The following BRCA1 variants were observed in gnomAD, a reference collection of about 807,000 sequenced individuals.
BRCA1 encodes breast cancer type 1 susceptibility protein.
In BRCA1, 140 loss-of-function variants were observed where a neutral mutation model predicts 173.7. The ratio of observed to expected loss-of-function variants is 0.81; its 90% CI spans 0.70 to 0.93. BRCA1 has a LOEUF of 0.93. Ranked by LOEUF, BRCA1 falls within the 40% of genes least tolerant of loss-of-function variation. The pLI, the probability that BRCA1 is intolerant of heterozygous loss-of-function variation, is 0.00. For synonymous variants in BRCA1, 662 were observed against 756.0 expected, an observed-to-expected ratio of 0.88 and a Z score of 2.04; for missense variants, 1,983 against 2,172.5, an observed-to-expected ratio of 0.91 and a Z score of 1.73.
Position 43,092,448 on chromosome 17 carries a change from C to A in BRCA1, c.3083G>T (p.Arg1028Leu), listed in dbSNP as rs80357459. 2 of 1,613,888 alleles carry A rather than the reference C, an allele frequency of 1.2e-6. No homozygotes were observed. The highest frequency in any genetic ancestry group is 1.7e-5 in the Admixed American group (1 of 59,992). The change falls in exon 10 of 23, where the codon CGT becomes CTT. Residue 1028 changes from arginine to leucine, a missense_variant. By Grantham distance (102) the Arg-to-Leu change is moderately radical. Transcript: ENST00000357654. Reference sequence around the variant, plus strand: ...AAAAACATTTTCTCTAATGTTATTACGGCTAATTGTGCTCACTGTACTTGG... The same window carrying A: ...AAAAACATTTTCTCTAATGTTATTAAGGCTAATTGTGCTCACTGTACTTGG... ...NIPSTVSTIS[R>L]NNIRENVFKE...
chr17:43,110,543 G>C, intron 3 of BRCA1: 1 of 437,950 alleles, frequency 2.3e-6, no homozygotes, highest in Middle Eastern at 4.9e-4. Context: ...CCTCATGATC[G>C]CACCACTGTA....
intron 12 of BRCA1, 43 bp from the exon 13 acceptor site, chr17:43,076,657 T>G (rs2052749969): frequency 3.7e-6 from 6 of 1,604,446 alleles, no homozygotes; most frequent in Non-Finnish European, 4.3e-6. Flanking sequence ...ACTGCTTTGT[T>G]CTGATAGTGA....
intron 13 of BRCA1, among the ~76,000 whole-genome samples, chr17:43,076,062 T>C (rs2052697059): frequency 6.6e-6 from 1 of 151,876 alleles, no homozygotes; most frequent in South Asian, 2.1e-4. Flanking sequence ...CACTGCAATC[T>C]AGGTGACACA....
chr17:43,157,864 C>T (rs542567994), intron 1 of BRCA1, among the ~76,000 whole-genome samples: 1 of 151,924 alleles, frequency 6.6e-6, no homozygotes, highest in African/African-American at 2.4e-5. Flanking sequence ...GGCTTGGTGG[C>T]GCATGCCTGT....
At position 43,056,461 on chromosome 17, in the gene BRCA1, G is replaced by C. The variant is rs8176285; in HGVS notation, c.5277+591C>G. Among the ~76,000 whole-genome samples, 238 of 152,270 alleles carry C rather than the reference G, an allele frequency of 1.6e-3. 1 individual carries two copies. The highest frequency in any genetic ancestry group is 3.5e-3 in the Admixed American group (53 of 15,288). On this transcript the variant is annotated intron_variant, in intron 19 of 22. Transcript: ENST00000357654. ...CCCAAAGTGCTGGGATAACAGGAAC[G>C]AGCCGCTGTGCCTGGCCCAGTGAAC...
rs1567803140 is a variant in BRCA1, at chr17:43,095,878, C to T, written c.638G>A (p.Arg213Lys). ...TGCAGAATCCAAACTGATTTCATCC[C>T]TGGTTCCTTGAGGGGTGATTTGTAA... ...ELLQITPQGT[R>K]DEISLDSAKK... is the part of the protein sequence containing the mutation. The change falls in exon 9 of 23, where the codon AGG becomes AAG. Residue 213 changes from arginine to lysine, a missense_variant. By Grantham distance (26) the Arg-to-Lys change is conservative. Transcript: ENST00000357654. 1.2e-6 allele frequency: 2 copies of T among 1,613,900 alleles called. No homozygotes were observed. The highest frequency in any genetic ancestry group is 4.5e-5 in the East Asian group (2 of 44,862).
chr17:43,169,149 C>T (rs1177336743), intron 1 of BRCA1, among the ~76,000 whole-genome samples: 2 of 152,016 alleles, frequency 1.3e-5, no homozygotes, highest in African/African-American at 2.4e-5. Context: ...CCGCAAGGGC[C>T]CATCTTCTCA....
At chr17:43,156,140 G>A (rs548875919) in intron 1 of BRCA1, among the ~76,000 whole-genome samples, 139 of 152,154 alleles carry the variant, frequency 9.1e-4, no homozygotes, top group African/African-American at 3.3e-3. Context: ...GGGAGGCTGA[G>A]GCAGGAGAAT....
At chr17:43,127,719 AAG>A (rs1213253707), upstream of BRCA1, among the ~76,000 whole-genome samples, 1 of 152,144 alleles carries the variant, frequency 6.6e-6, no homozygotes, top group Non-Finnish European at 1.5e-5. Flanking sequence ...GGGGTCAGAT[AAG>A]GGAATAAAAG....
rs2154549630 is a variant in BRCA1, at chr17:43,104,212, A to T, written c.351T>A (p.His117Gln). Residue 117 changes from histidine to glutamine, a missense_variant, in exon 6 of 23, where the codon CAT (histidine) becomes CAA (glutamine). Coordinates refer to ENST00000357654, the MANE Select transcript of BRCA1 (RefSeq NM_007294.4). ...FAKKENNSPE[H>Q]LKDEVSIIQS... ...GGATGATAGAAACTTCATCTTTTAG[A>T]TGTTCAGGAGAGTTATTTTCCTTTT... is the stretch of plus-strand genomic sequence containing the variant. 1 of 1,613,288 alleles carries T rather than the reference A, an allele frequency of 6.2e-7. No homozygotes were observed. Among genetic ancestry groups the T allele is most frequent in the South Asian group, 1.1e-5 (1 of 91,058 alleles).
At chr17:43,050,608 CAAAAAAAAAGAA>C (rs1041314364) in intron 20 of BRCA1, among the ~76,000 whole-genome samples, 40 of 114,596 alleles carry the variant, frequency 3.5e-4, no homozygotes, top group African/African-American at 1.1e-3. Context: ...GACTCGACCT[CAAAAAAAAAGAA>C]AAAAAAAAAG....
chr17:43,140,215 G>A, intron 1 of BRCA1: 1 of 264,340 alleles, frequency 3.8e-6, no homozygotes, highest in Non-Finnish European at 7.6e-6. Context: ...CGGGAGGATG[G>A]TGCACCCCAA....
At chr17:43,054,081 A>G (rs892738959) in intron 19 of BRCA1, among the ~76,000 whole-genome samples, 2 of 152,218 alleles carry the variant, frequency 1.3e-5, no homozygotes, top group Admixed American at 6.5e-5. Flanking sequence ...CTTTGACCAC[A>G]TACTTTCCAT....
In BRCA1 at chr17:43,091,769, C is replaced by A. The variant is rs2053529032; in HGVS notation, c.3762G>T (p.Lys1254Asn). Residue 1254 changes from lysine (K) to asparagine (N), a missense_variant, in exon 10 of 23, where the codon AAG (lysine) becomes AAT (asparagine). Transcript: ENST00000357654. ...ATGATAATAAATTCTCCTCTGTGTT[C>A]TTAGACAGACACTCGGTAGCAACGG... ...HSTVATECLSKNTEENLLSLK... is the reference protein window; with the variant it reads ...HSTVATECLSNNTEENLLSLK... The A allele has an allele frequency of 1.9e-6, 3 of 1,614,106 alleles. No individual in the cohort carries two copies. Among genetic ancestry groups the A allele is most frequent in the Non-Finnish European group, 2.5e-6 (3 of 1,179,976 alleles).
At position 43,092,555 on chromosome 17, in the gene BRCA1, A is replaced by G. The variant is rs1429867282; in HGVS notation, c.2976T>C (p.Thr992=). The change falls in exon 10 of 23, where the codon ACT becomes ACC. Residue 992 remains threonine, a synonymous_variant. Coordinates refer to ENST00000357654, the MANE Select transcript of BRCA1 (RefSeq NM_007294.4). ...PLFPIKSFVK[T]KCKKNLLEEN... ...CCTCTAGCAGATTTTTCTTACATTT[A>G]GTTTTAACAAATGACTTGATGGGAA... 1 of 1,613,886 alleles carries G rather than the reference A, an allele frequency of 6.2e-7. No homozygotes were observed. Among genetic ancestry groups the G allele is most frequent in the Non-Finnish European group, 8.5e-7 (1 of 1,179,978 alleles).
rs41286294 is a variant in BRCA1, at chr17:43,093,997, G to C, written c.1534C>G (p.Leu512Val). The change falls in exon 10 of 23, where the codon CTT (leucine) becomes GTT (valine). Residue 512 changes from leucine to valine, a missense_variant. Physicochemically the swap from Leu to Val is conservative, Grantham distance 32 (BLOSUM62 1). Transcript: ENST00000357654. ...LKRKRRPTSG[L>V]HPEDFIKKAD... ...TTCTTGATAAAATCCTCAGGATGAA[G>C]GCCTGATGTAGGTCTCCTTTTACGC... 1.2e-6 allele frequency: 2 copies of C among 1,613,942 alleles called. No individual in the cohort carries two copies. Among genetic ancestry groups the C allele is most frequent in the Non-Finnish European group, 1.7e-6 (2 of 1,179,964 alleles).
intron 20 of BRCA1, among the ~76,000 whole-genome samples, 154 bp downstream of exon 20, chr17:43,050,909 G>A (rs936124245): frequency 6.6e-6 from 1 of 152,120 alleles, no homozygotes; most frequent in Non-Finnish European, 1.5e-5. Flanking sequence ...TAACATTTAG[G>A]TGCTGTTTTG....
At position 43,108,698 on chromosome 17, in the gene BRCA1, C is replaced by T. The variant is rs986444061; in HGVS notation, c.135-2165G>A. On this transcript the variant is annotated intron_variant, in intron 3 of 22. Transcript: ENST00000357654. ...CTCCACCCTGGGCAACAGAGGAAGA[C>T]TCTGTCTCAAAAAAAAAAAAAAAAA... 4.5e-5 allele frequency among the ~76,000 whole-genome samples: 5 copies of T among 110,706 alleles called. No individual in the cohort carries two copies. The South Asian group carries it at 1.1e-3, about 23-fold the overall frequency. The allele number at this position is 110,706 out of a possible 152,430, so 72.6% of individuals were successfully genotyped here.
chr17:43,118,086 T>TG (rs1462909072), intron 2 of BRCA1, among the ~76,000 whole-genome samples: 4 of 150,968 alleles, frequency 2.6e-5, no homozygotes, highest in Non-Finnish European at 5.9e-5. Context: ...GAGATGTACA[T>TG]GGGGGGAGTC....
Sources: gnomAD v4.1 joint callset for allele counts (sites outside exome capture counted in the v4.1 genomes callset) on GRCh38, gnomAD v4.1.1 for gene constraint, MANE v1.5 for transcripts, NCBI Gene and HGNC (gene_info 2026-07-23, HGNC 2026-07-21) for gene names.